Variants in GRIN2C observed in about 807,000 individuals in gnomAD.
The protein encoded by GRIN2C is glutamate receptor ionotropic, NMDA 2C.
GRIN2C carries 64 observed loss-of-function variants against 77.7 expected under a neutral mutation model. The ratio of observed to expected loss-of-function variants is 0.82; its 90% CI spans 0.67 to 1.01. GRIN2C has a LOEUF of 1.01. Ranked by LOEUF, GRIN2C falls within the 50% of genes least tolerant of loss-of-function variation. The pLI is 0.00. For synonymous variants in GRIN2C, 792 were observed against 643.4 expected (o/e 1.23, Z -3.49); for missense variants, 1,549 against 1,486.0 (o/e 1.04, Z -0.70).
rs557362051 is a variant in GRIN2C at position 74,846,744 on chromosome 17, A to AGGGCTGG, written c.2162+9_2162+15dup. Reference sequence around the variant, plus strand: ...ACACACGGATGAAGACAGCGGGTGCAGGGCTGGGGACCCACCCCATCTTGA... The same window carrying AGGGCTGG: ...ACACACGGATGAAGACAGCGGGTGCAGGGCTGGGGGCTGGGGACCCACCCCATCTTGA... On this transcript the variant is annotated intron_variant, in intron 10 of 12. Transcript: ENST00000293190. This position sits in a 1 kb window ranked among gnomAD's most constrained non-coding sequence, Gnocchi z 4.4. The AGGGCTGG allele has an allele frequency of 7.3e-5, 117 of 1,610,366 alleles. 1 individual carries two copies. The African/African-American group carries it at 1.1e-3, about 15-fold the overall frequency.
In GRIN2C at chr17:74,850,033, A is replaced by C. The variant is rs938032110; in HGVS notation, c.1492-100T>G. On this transcript the variant is annotated intron_variant, in intron 6 of 12. Transcript: ENST00000293190. The surrounding 1 kb of genome is among the most constrained non-coding windows in gnomAD (Gnocchi z 5.3). ...CACCCCTTCTAGCACCCACCAGCTGAGTCAATCATTCCCTCTGGGGCCCTC... is the reference window on the plus strand; with the variant it reads ...CACCCCTTCTAGCACCCACCAGCTGCGTCAATCATTCCCTCTGGGGCCCTC... 4 of 1,407,356 alleles carry C rather than the reference A, an allele frequency of 2.8e-6. No homozygotes were observed. The highest frequency in any genetic ancestry group is 3.9e-6 in the Non-Finnish European group (4 of 1,023,276). 87.2% of individuals were successfully genotyped at this position (1,407,356 alleles called of 1,614,324 possible). A position where few individuals can be genotyped will look rare whatever the true frequency, so the allele number is the denominator to read the frequency against.
In GRIN2C at chr17:74,844,313, T is replaced by C; in HGVS notation, c.2546A>G (p.Asn849Ser). ...CAGCAGGAAGTCCAGCTGGGATGAG[T>C]TGGGCACCGAGTGGCGCAGCTTCCA... ...VYWKLRHSVP[N>S]SSQLDFLLAF... is the part of the protein sequence containing the mutation. The change falls in exon 12 of 13, where the codon AAC (asparagine) becomes AGC (serine). Residue 849 changes from asparagine (N) to serine (S), a missense_variant. Physicochemically the swap from Asn to Ser is conservative, Grantham distance 46. This residue lies in a region of GRIN2C where 717 missense variants were observed against 858.1 expected (regional missense o/e 0.84). Transcript: ENST00000293190. 6.2e-7 allele frequency: 1 copy of C among 1,614,002 alleles called. No individual in the cohort carries two copies. Among genetic ancestry groups the C allele is most frequent in the South Asian group, 1.1e-5 (1 of 91,076 alleles).
intron 11 of GRIN2C, among the ~76,000 whole-genome samples, chr17:74,845,319 C>T (rs1410812406): frequency 6.8e-6 from 1 of 146,796 alleles, no homozygotes; most frequent in African/African-American, 2.5e-5. Context: ...GGCTGGAGTG[C>T]AGTGGCACAA....
rs2037901167 is a variant in GRIN2C at position 74,859,495 on chromosome 17, C to T, written c.-16+249G>A. Among the ~76,000 whole-genome samples the T allele has an allele frequency of 6.6e-6, 1 of 151,960 alleles. No homozygotes were observed. Among genetic ancestry groups the T allele is most frequent in the Non-Finnish European group, 1.5e-5 (1 of 67,972 alleles). ...GAGTCCTCCCCACCCACCAGCAGAACCCCCGGACCCCCTGCCCTTCCGGTG... is the reference window on the plus strand; with the variant it reads ...GAGTCCTCCCCACCCACCAGCAGAATCCCCGGACCCCCTGCCCTTCCGGTG... On this transcript the variant is annotated intron_variant, in intron 1 of 12. Coordinates refer to ENST00000293190, the MANE Select transcript of GRIN2C (RefSeq NM_000835.6). The surrounding 1 kb of genome is among the most constrained non-coding windows in gnomAD (Gnocchi z 5.9).
intron 2 of GRIN2C, 152 bp from the exon 3 acceptor site, chr17:74,852,763 C>A (rs1179282354): frequency 1.1e-5 from 5 of 470,294 alleles, no homozygotes; most frequent in Admixed American, 8.7e-5. Context: ...CTCCCTCCCG[C>A]CCCAATGTGG....
In GRIN2C at chr17:74,854,846, C is replaced by G. The variant is rs1427750532; in HGVS notation, c.247G>C (p.Gly83Arg). 1 of 1,613,750 alleles carries G rather than the reference C, an allele frequency of 6.2e-7. No homozygotes were observed. The highest frequency in any genetic ancestry group is 8.5e-7 in the Non-Finnish European group (1 of 1,179,848). Reference protein sequence around the residue: ...NPSSLLTQICGLLGAAHVHGI... With the variant: ...NPSSLLTQICRLLGAAHVHGI... ...TGGACGTGGGCAGCACCCAGGAGGC[C>G]GCAGATCTGGGTGAGGAGGCTGCTG... is the stretch of plus-strand genomic sequence containing the variant. The change falls in exon 2 of 13, where the codon GGC (glycine) becomes CGC (arginine). Residue 83 changes from glycine to arginine, a missense_variant. Coordinates refer to ENST00000293190, the MANE Select transcript of GRIN2C (RefSeq NM_000835.6).
In GRIN2C at chr17:74,849,904, G is replaced by A. The variant is rs147077649; in HGVS notation, c.1521C>T (p.Ile507=). Residue 507 remains isoleucine, a synonymous_variant, in exon 7 of 13, where the codon ATC becomes ATT. Transcript: ENST00000293190. The surrounding 1 kb of genome is among the most constrained non-coding windows in gnomAD (Gnocchi z 4.6). ...GTTCCTCATTGATGGTGAGGGAGCC[G>A]ATGGCCATGTCTGCCCGCTTGTAGT... is the stretch of plus-strand genomic sequence containing the variant. ...EVYYKRADMA[I]GSLTINEERS... The A allele has an allele frequency of 1.6e-4, 263 of 1,613,426 alleles. 2 individuals are homozygous for A. Among genetic ancestry groups the A allele is most frequent in the African/African-American group, 1.1e-3 (84 of 74,996 alleles).
At chr17:74,853,884 G>A (rs940365853) in intron 2 of GRIN2C, 1 of 152,258 alleles carries the variant, frequency 6.6e-6, no homozygotes, top group African/African-American at 2.4e-5. Flanking sequence ...CACAGACCAC[G>A]GCCACTGTCA....
In GRIN2C at chr17:74,850,118, C is replaced by G; in HGVS notation, c.1491+88G>C. Reference sequence around the variant, plus strand: ...TCATCATTGGTGACAGCCCATGCCCCCCTCTAGAGGGCATCTGAGAGCCAC... The same window carrying G: ...TCATCATTGGTGACAGCCCATGCCCGCCTCTAGAGGGCATCTGAGAGCCAC... On this transcript the variant is annotated intron_variant, in intron 6 of 12. Transcript: ENST00000293190. This position sits in a 1 kb window ranked among gnomAD's most constrained non-coding sequence, Gnocchi z 5.3. 6.8e-7 allele frequency: 1 copy of G among 1,461,542 alleles called. No individual in the cohort carries two copies. The highest frequency in any genetic ancestry group is 2.3e-5 in the East Asian group (1 of 44,166). The allele number at this position is 1,461,542 out of a possible 1,614,324, so 90.5% of individuals were successfully genotyped here. A position where few individuals can be genotyped will look rare whatever the true frequency, so the allele number is the denominator to read the frequency against.
In GRIN2C at chr17:74,846,315, G is replaced by A; in HGVS notation, c.2163-62C>T. ...TGGGAGGGGAGGGGACACCGAAACT[G>A]GGGCGTGACAGGGGTCTAAACCACA... On this transcript the variant is annotated intron_variant, in intron 10 of 12. Transcript: ENST00000293190. This position sits in a 1 kb window ranked among gnomAD's most constrained non-coding sequence, Gnocchi z 4.4. 6.8e-7 allele frequency: 1 copy of A among 1,469,572 alleles called. No homozygotes were observed. The highest frequency in any genetic ancestry group is 1.4e-5 in the African/African-American group (1 of 72,184). 91.0% of individuals were successfully genotyped at this position (1,469,572 alleles called of 1,614,324 possible).
intron 4 of GRIN2C, 173 bp downstream of exon 4, chr17:74,851,404 A>G: frequency 1.7e-6 from 1 of 579,186 alleles, no homozygotes; most frequent in Admixed American, 3.0e-5. Flanking sequence ...CACCTCACCC[A>G]CCCCGGGGCA....
At chr17:74,843,943 G>T (rs746277122) in intron 12 of GRIN2C, 2 of 477,082 alleles carry the variant, frequency 4.2e-6, no homozygotes, top group East Asian at 7.6e-5. Flanking sequence ...GTGCCATCTC[G>T]GCTCACTGCA....
In GRIN2C at chr17:74,849,785, A is replaced by G; in HGVS notation, c.1640T>C (p.Phe547Ser). Residue 547 changes from phenylalanine to serine, a missense_variant, in exon 7 of 13, where the codon TTC becomes TCC. Coordinates refer to ENST00000293190, the MANE Select transcript of GRIN2C (RefSeq NM_000835.6). The surrounding 1 kb of genome is among the most constrained non-coding windows in gnomAD (Gnocchi z 4.6). ...RSNGTVSPSA[F>S]LEPYSPAVWV... ...CTGCCCACCCTGGGCCTCACCCAAG[A>G]AGGCCGAGGGGGAGACGGTGCCATT... The G allele has an allele frequency of 6.2e-7, 1 of 1,611,434 alleles. No homozygotes were observed. The highest frequency in any genetic ancestry group is 1.1e-5 in the South Asian group (1 of 90,914).
At position 74,852,622 on chromosome 17, in the gene GRIN2C, G is replaced by GT. The variant is rs1374221354; in HGVS notation, c.400-12_400-11insA. ...GGCGGAGCCCGGCTCCTGGGGGCGG[G>GT]CGGGGCCTGAGCGGGGCGGGAGGGC... On this transcript the variant is annotated splice_polypyrimidine_tract_variant and intron_variant, in intron 2 of 12. Transcript: ENST00000293190. 3 of 1,179,708 alleles carry GT rather than the reference G, an allele frequency of 2.5e-6. No individual in the cohort carries two copies. In the Admixed American group the frequency reaches 1.8e-4, roughly 71 times the overall value. The allele number at this position is 1,179,708 out of a possible 1,614,324, so 73.1% of individuals were successfully genotyped here.
At position 74,850,029 on chromosome 17, in the gene GRIN2C, G is replaced by T; in HGVS notation, c.1492-96C>A. On this transcript the variant is annotated intron_variant, in intron 6 of 12. Transcript: ENST00000293190. The surrounding 1 kb of genome is among the most constrained non-coding windows in gnomAD (Gnocchi z 5.3). ...CAGACACCCCTTCTAGCACCCACCA[G>T]CTGAGTCAATCATTCCCTCTGGGGC... 1.4e-6 allele frequency: 2 copies of T among 1,421,780 alleles called. No homozygotes were observed. Among genetic ancestry groups the T allele is most frequent in the Non-Finnish European group, 1.9e-6 (2 of 1,035,400 alleles). 88.1% of individuals were successfully genotyped at this position (1,421,780 alleles called of 1,614,324 possible). A position where few individuals can be genotyped will look rare whatever the true frequency, so the allele number is the denominator to read the frequency against.
rs992269772 is a variant in GRIN2C at position 74,849,186 on chromosome 17, C to T, written c.1645+594G>A. ...GAGAGGTTCTGTGACTTGCCCGAGG[C>T]CACACAGCAGGACAGGGCAGAGCCG... On this transcript the variant is annotated intron_variant, in intron 7 of 12. Transcript: ENST00000293190. The surrounding 1 kb of genome is among the most constrained non-coding windows in gnomAD (Gnocchi z 4.6). Among the ~76,000 whole-genome samples the T allele has an allele frequency of 6.6e-6, 1 of 152,068 alleles. No homozygotes were observed. Among genetic ancestry groups the T allele is most frequent in the Admixed American group, 6.5e-5 (1 of 15,282 alleles).
In GRIN2C at chr17:74,854,754, G is replaced by A. The variant is rs2037763364; in HGVS notation, c.339C>T (p.Ser113=). The A allele has an allele frequency of 1.2e-6, 2 of 1,613,424 alleles. No individual in the cohort carries two copies. Among genetic ancestry groups the A allele is most frequent in the African/African-American group, 1.3e-5 (1 of 74,916 alleles). Residue 113 remains serine (S), a synonymous_variant, in exon 2 of 13, where the codon TCC becomes TCT. Transcript: ENST00000293190. ...TGCTGAGGATGGGCACATGGGTCTG[G>A]GAGGAGATGAAGTCAAGGATCTGGG... ...AVAQILDFIS[S]QTHVPILSIS... is the part of the protein sequence containing the mutation.
At chr17:74,848,443 G>C (rs2037529230) in intron 7 of GRIN2C, among the ~76,000 whole-genome samples, 1 of 152,346 alleles carries the variant, frequency 6.6e-6, no homozygotes, top group East Asian at 1.9e-4. Flanking sequence ...GCTGGGCTTG[G>C]TGGCTCTCGC....
rs1238853859 is a variant in GRIN2C at position 74,852,084 on chromosome 17, G to A, written c.927C>T (p.Thr309=). ...GAHSYWRQHG[T]LPAPAGDCRV... ...GGCAGTCCCCGGCCGGGGCTGGCAG[G>A]GTTCCATGCTGGCGCCAGTAGCTGT... is the stretch of plus-strand genomic sequence containing the variant. The change falls in exon 3 of 13, where the codon ACC becomes ACT. Residue 309 remains threonine, a synonymous_variant. Transcript: ENST00000293190. 5 of 1,464,264 alleles carry A rather than the reference G, an allele frequency of 3.4e-6. No homozygotes were observed. Among genetic ancestry groups the A allele is most frequent in the Non-Finnish European group, 3.6e-6 (4 of 1,106,946 alleles). 90.7% of individuals were successfully genotyped at this position (1,464,264 alleles called of 1,614,324 possible).
Sources: gnomAD v4.1 joint callset for allele counts (sites outside exome capture counted in the v4.1 genomes callset) on GRCh38, gnomAD v4.1.1 for gene constraint, gnomAD v4.1.1 regional missense constraint, Gnocchi (gnomAD v3.1) non-coding constraint, MANE v1.5 for transcripts, NCBI Gene and HGNC (gene_info 2026-07-23, HGNC 2026-07-21) for gene names.